CSMD1: variants seen among roughly 807,000 people sequenced by gnomAD.
CSMD1 encodes the protein CUB and sushi domain-containing protein 1.
In CSMD1, 213 loss-of-function variants were observed where a neutral mutation model predicts 417.5. That is an observed-to-expected ratio of 0.51 (90% CI 0.46 to 0.57). CSMD1 has a LOEUF of 0.57. Among genes scored for constraint, CSMD1 ranks in the 20% least tolerant of loss-of-function variants. The pLI is 0.00. For synonymous variants in CSMD1, 2,862 were observed against 1,736.8 expected (o/e 1.65, Z -16.11); for missense variants, 6,923 against 4,529.7 (o/e 1.53, Z -15.17).
At chr8:3,039,980 G>T (rs1415413479) in intron 50 of CSMD1, among the ~76,000 whole-genome samples, 1 of 152,146 alleles carries the variant, frequency 6.6e-6, no homozygotes, top group Non-Finnish European at 1.5e-5. Flanking sequence ...TAGTTTCCAA[G>T]CAGGTTTCAC....
intron 5 of CSMD1, among the ~76,000 whole-genome samples, chr8:3,915,711 G>A (rs1190720848): frequency 6.6e-6 from 1 of 150,690 alleles, no homozygotes; most frequent in South Asian, 2.1e-4. Context: ...TAATTTATTG[G>A]TTGAATGTTA....
At chr8:4,574,376 G>C (rs1171261217) in intron 2 of CSMD1, among the ~76,000 whole-genome samples, 1 of 152,118 alleles carries the variant, frequency 6.6e-6, no homozygotes, top group African/African-American at 2.4e-5. Context: ...GGCTAGGAGA[G>C]GGGGTTACCC....
At chr8:4,588,868 C>T (rs549945832) in intron 2 of CSMD1, among the ~76,000 whole-genome samples, 10 of 151,818 alleles carry the variant, frequency 6.6e-5, no homozygotes, top group South Asian at 2.1e-4. Flanking sequence ...TCCACTGACG[C>T]GAATGTGATG....
intron 11 of CSMD1, among the ~76,000 whole-genome samples, chr8:3,491,547 C>A (rs1302156628): frequency 6.6e-6 from 1 of 152,092 alleles, no homozygotes; most frequent in African/African-American, 2.4e-5. Context: ...TTGGAATGGG[C>A]CAGCAGGAAG....
At chr8:3,627,843 C>T (rs917416612) in intron 7 of CSMD1, among the ~76,000 whole-genome samples, 1 of 152,140 alleles carries the variant, frequency 6.6e-6, no homozygotes, top group Non-Finnish European at 1.5e-5. Flanking sequence ...GATTTCAAAG[C>T]CCACATTGTT....
intron 3 of CSMD1, among the ~76,000 whole-genome samples, chr8:4,268,921 A>G (rs1804395652): frequency 6.6e-6 from 1 of 152,184 alleles, no homozygotes; most frequent in African/African-American, 2.4e-5. Flanking sequence ...GATGCTTGCT[A>G]TTTGGAGAAT....
chr8:4,226,899 G>T, intron 3 of CSMD1, among the ~76,000 whole-genome samples: 1 of 152,288 alleles, frequency 6.6e-6, no homozygotes, highest in East Asian at 1.9e-4. Flanking sequence ...GAACGTAAAG[G>T]ATTTTTTGTT....
rs180859695 is a variant in CSMD1 at position 3,069,677 on chromosome 8, T to A, written c.7475-17030A>T. On this transcript the variant is annotated intron_variant, in intron 49 of 69. Coordinates refer to ENST00000635120, the MANE Select transcript of CSMD1 (RefSeq NM_033225.6). Reference sequence around the variant, plus strand: ...CTGGAGTTGAGTGCCTGTGGCTTTTTCATGCTGAGGGGGCAAACTGCTTGT... The same window carrying A: ...CTGGAGTTGAGTGCCTGTGGCTTTTACATGCTGAGGGGGCAAACTGCTTGT... 8.3e-4 allele frequency among the ~76,000 whole-genome samples: 126 copies of A among 152,284 alleles called. 1 individual carries two copies. The highest frequency in any genetic ancestry group is 1.2e-3 in the Non-Finnish European group (81 of 68,020).
intron 7 of CSMD1, among the ~76,000 whole-genome samples, chr8:3,707,635 G>A (rs530262204): frequency 5.3e-5 from 8 of 152,186 alleles, no homozygotes; most frequent in South Asian, 2.1e-4. Flanking sequence ...GTGTAAGGTC[G>A]TGTGGGGAGC....
intron 1 of CSMD1, among the ~76,000 whole-genome samples, chr8:4,693,044 G>A (rs1210004183): frequency 6.6e-6 from 1 of 152,156 alleles, no homozygotes; most frequent in African/African-American, 2.4e-5. Flanking sequence ...AATCTTCTCT[G>A]GGTGCTGTGA....
chr8:2,983,288 G>A (rs537429247), intron 54 of CSMD1, among the ~76,000 whole-genome samples: 117 of 152,098 alleles, frequency 7.7e-4, no homozygotes, highest in African/African-American at 2.6e-3. Flanking sequence ...CTGGATTCAC[G>A]CCATTCTCCT....
intron 5 of CSMD1, among the ~76,000 whole-genome samples, chr8:3,965,594 A>AT (rs1346746654): frequency 6.6e-6 from 1 of 151,966 alleles, no homozygotes; most frequent in Non-Finnish European, 1.5e-5. Flanking sequence ...AATGGTTATG[A>AT]TTTTTTAAAA....
At chr8:4,597,981 A>C (rs1447510233) in intron 2 of CSMD1, among the ~76,000 whole-genome samples, 1 of 151,514 alleles carries the variant, frequency 6.6e-6, no homozygotes, top group African/African-American at 2.4e-5. Flanking sequence ...TATGTGATTT[A>C]TTTTTATATA....
intron 3 of CSMD1, among the ~76,000 whole-genome samples, chr8:4,232,957 T>C (rs1801833217): frequency 6.6e-6 from 1 of 152,172 alleles, no homozygotes; most frequent in Non-Finnish European, 1.5e-5. Flanking sequence ...CAAGCATAAT[T>C]TGGTTATTCA....
At chr8:3,700,574 T>A (rs1397740719) in intron 7 of CSMD1, 2 of 152,142 alleles carry the variant, frequency 1.3e-5, no homozygotes, top group East Asian at 3.9e-4. Context: ...ATGGGAGAAG[T>A]TGTGGATGCT....
chr8:3,796,396 TATAG>T lies in CSMD1; in HGVS notation c.819-42358_819-42355del, dbSNP rs1365574706. Among the ~76,000 whole-genome samples the T allele has an allele frequency of 8.7e-5, 7 of 80,546 alleles. 1 individual carries two copies. The highest frequency in any genetic ancestry group is 1.4e-4 in the Non-Finnish European group (5 of 35,168). The allele number at this position is 80,546 out of a possible 152,430, so 52.8% of individuals were successfully genotyped here. ...ATCATGTATATATATATCTATCATG[TATAG>T]ATATAGATATATATCTATCATGTAT... On this transcript the variant is annotated intron_variant, in intron 5 of 69. Coordinates refer to ENST00000635120, the MANE Select transcript of CSMD1 (RefSeq NM_033225.6).
chr8:4,936,357 G>C (rs1009332513), intron 1 of CSMD1, among the ~76,000 whole-genome samples: 1 of 152,142 alleles, frequency 6.6e-6, no homozygotes, highest in Non-Finnish European at 1.5e-5. Flanking sequence ...AAATCGGCCT[G>C]GTTAAGGTTT....
intron 3 of CSMD1, among the ~76,000 whole-genome samples, chr8:4,367,816 G>A (rs1312103573): frequency 6.6e-6 from 1 of 152,078 alleles, no homozygotes; most frequent in African/African-American, 2.4e-5. Context: ...TATTCTTTGT[G>A]CTATTTTTAA....
At chr8:4,566,546 G>A (rs981952357) in intron 2 of CSMD1, among the ~76,000 whole-genome samples, 2 of 150,964 alleles carry the variant, frequency 1.3e-5, no homozygotes, top group Non-Finnish European at 3.0e-5. Context: ...CCACCTACTC[G>A]GGAGGCTGAG....
Sources: gnomAD v4.1 joint callset for allele counts (sites outside exome capture counted in the v4.1 genomes callset) on GRCh38, gnomAD v4.1.1 for gene constraint, MANE v1.5 for transcripts, NCBI Gene and HGNC (gene_info 2026-07-23, HGNC 2026-07-21) for gene names.